The following USP20 variants were observed in gnomAD, a reference collection of about 807,000 sequenced individuals.
USP20 encodes ubiquitin specific peptidase 20, also known as ubiquitin carboxyl-terminal hydrolase 20.
In USP20, 80 loss-of-function variants were observed where a neutral mutation model predicts 124.2. That is an observed-to-expected ratio of 0.64 (90% CI 0.54 to 0.78). The LOEUF (loss-of-function observed/expected upper bound fraction) is 0.78, where lower values mean the gene tolerates loss of function less well. Among genes scored for constraint, USP20 ranks in the 30% least tolerant of loss-of-function variants. USP20 has a pLI of 0.00. For synonymous variants in USP20, 481 were observed against 512.3 expected (o/e 0.94, Z 0.83); for missense variants, 1,043 against 1,244.4 (o/e 0.84, Z 2.44).
chr9:129,865,446 C>A, intron 10 of USP20, 65 bp downstream of exon 10: 1 of 1,550,592 alleles, frequency 6.4e-7, no homozygotes, highest in Non-Finnish European at 8.9e-7. Context: ...ACTTTGACGC[C>A]AAAACCAGAG....
chr9:129,879,466 C>A lies in USP20; in HGVS notation c.2513-107C>A. The A allele has an allele frequency of 8.7e-7, 1 of 1,144,500 alleles. No homozygotes were observed. Among genetic ancestry groups the A allele is most frequent in the Non-Finnish European group, 1.3e-6 (1 of 774,208 alleles). 70.9% of individuals were successfully genotyped at this position (1,144,500 alleles called of 1,614,324 possible). On this transcript the variant is annotated intron_variant, in intron 23 of 25. Transcript: ENST00000372429. The surrounding 1 kb of genome is among the most constrained non-coding windows in gnomAD (Gnocchi z 4.2). ...CAGGCGCCTCATCCATTAGAGACTT[C>A]ACGCTGACCCCCAGGCCTGGGGCGG...
chr9:129,871,310 C>T (rs2034115011), intron 15 of USP20, among the ~76,000 whole-genome samples: 2 of 137,294 alleles, frequency 1.5e-5, no homozygotes, highest in African/African-American at 5.4e-5. Flanking sequence ...AGCATAACGT[C>T]CTTAGGGTTC....
At chr9:129,869,938 G>C in intron 14 of USP20, 94 bp downstream of exon 14, 1 of 1,483,818 alleles carries the variant, frequency 6.7e-7, no homozygotes, top group Non-Finnish European at 9.2e-7. Context: ...CATGCATTTG[G>C]GGAACCAGGG....
At chr9:129,873,179 G>T (rs976501420) in intron 15 of USP20, among the ~76,000 whole-genome samples, 1 of 128,006 alleles carries the variant, frequency 7.8e-6, no homozygotes, top group South Asian at 2.7e-4. Context: ...AGCCCCCCAG[G>T]TTCGAGCGAT....
At chr9:129,878,302 G>C in intron 22 of USP20, 36 bp from the exon 23 acceptor site, 1 of 1,504,470 alleles carries the variant, frequency 6.6e-7, no homozygotes, top group East Asian at 2.4e-5. Flanking sequence ...AGACTGACCT[G>C]CCCTCTGTCT....
intron 1 of USP20, among the ~76,000 whole-genome samples, chr9:129,837,114 G>A (rs558564925): frequency 1.3e-5 from 2 of 152,314 alleles, no homozygotes; most frequent in South Asian, 4.1e-4. Context: ...AGATCTAATT[G>A]AGTGCTCTTT....
intron 12 of USP20, 115 bp downstream of exon 12, chr9:129,869,117 G>A (rs2033984635): frequency 4.4e-5 from 64 of 1,452,346 alleles, no homozygotes; most frequent in Non-Finnish European, 5.8e-5. Context: ...CTCCTCTCAG[G>A]TACACCCCTG....
At chr9:129,857,682 A>G (rs1019712433) in intron 4 of USP20, among the ~76,000 whole-genome samples, 3 of 152,134 alleles carry the variant, frequency 2.0e-5, no homozygotes, top group Non-Finnish European at 2.9e-5. Context: ...ATCCCCACCA[A>G]AAACACAGGT....
rs753881618 is a variant in USP20 at position 129,879,581 on chromosome 9, G to C, written c.2521G>C (p.Gly841Arg). 1 of 1,613,488 alleles carries C rather than the reference G, an allele frequency of 6.2e-7. No individual in the cohort carries two copies. Among genetic ancestry groups the C allele is most frequent in the Non-Finnish European group, 8.5e-7 (1 of 1,179,942 alleles). ...CGCTGTGTCTGTTGCAGAGCCCCCC[G>C]GGCCCATTGACAACAGCAGGATTGC... is the stretch of plus-strand genomic sequence containing the variant. ...FVKGKDNEPP[G>R]PIDNSRIAQV... Residue 841 changes from glycine to arginine, a missense_variant, in exon 24 of 26, where the codon GGG (glycine) becomes CGG (arginine). Gly to Arg is a moderately radical substitution (Grantham distance 125). Transcript: ENST00000372429. The surrounding 1 kb of genome is among the most constrained non-coding windows in gnomAD (Gnocchi z 4.2).
chr9:129,852,329 TC>T (rs1432672004), intron 2 of USP20, among the ~76,000 whole-genome samples: 2 of 152,178 alleles, frequency 1.3e-5, no homozygotes, highest in Non-Finnish European at 2.9e-5. Flanking sequence ...AGACATTGTC[TC>T]CGTGACCTAG....
At chr9:129,870,799 G>A (rs1019331602) in intron 15 of USP20, among the ~76,000 whole-genome samples, 2 of 152,282 alleles carry the variant, frequency 1.3e-5, no homozygotes, top group Middle Eastern at 6.8e-3. Flanking sequence ...CCAATTTGGT[G>A]GGCAAAAATG....
At chr9:129,845,822 TC>T (rs1485050490) in intron 1 of USP20, among the ~76,000 whole-genome samples, 3 of 152,252 alleles carry the variant, frequency 2.0e-5, no homozygotes, top group African/African-American at 7.2e-5. Flanking sequence ...ATCACTTGAC[TC>T]TATCCTCCAG....
Position 129,839,828 on chromosome 9 carries a change from C to T in USP20, c.-129+4329C>T, listed in dbSNP as rs1450196419. Among the ~76,000 whole-genome samples, 2 of 152,156 alleles carry T rather than the reference C, an allele frequency of 1.3e-5. No individual in the cohort carries two copies. Among genetic ancestry groups the T allele is most frequent in the Non-Finnish European group, 2.9e-5 (2 of 68,004 alleles). ...GAGGCAGCCAGGTCCAGATGTGCTGCCTACCTAGGACCACAGGCTGTGCTG... is the reference window on the plus strand; with the variant it reads ...GAGGCAGCCAGGTCCAGATGTGCTGTCTACCTAGGACCACAGGCTGTGCTG... On this transcript the variant is annotated intron_variant, in intron 1 of 25. Coordinates refer to ENST00000372429, the MANE Select transcript of USP20 (RefSeq NM_001110303.4). This position sits in a 1 kb window ranked among gnomAD's most constrained non-coding sequence, Gnocchi z 4.5.
Position 129,844,894 on chromosome 9 carries a change from T to C in USP20, c.-128-4919T>C, listed in dbSNP as rs1301499793. Among the ~76,000 whole-genome samples the C allele has an allele frequency of 2.6e-5, 4 of 151,818 alleles. No homozygotes were observed. The East Asian group carries it at 7.8e-4, about 30-fold the overall frequency. Reference sequence around the variant, plus strand: ...GAGGTAAATGAGGCAAAAATGAATATTGAGAGGGCCGGTCATGGTGGCTCA... The same window carrying C: ...GAGGTAAATGAGGCAAAAATGAATACTGAGAGGGCCGGTCATGGTGGCTCA... On this transcript the variant is annotated intron_variant, in intron 1 of 25. Transcript: ENST00000372429.
At chr9:129,843,849 AAC>A (rs2032378702) in intron 1 of USP20, among the ~76,000 whole-genome samples, 4 of 152,322 alleles carry the variant, frequency 2.6e-5, no homozygotes. Flanking sequence ...AGATTGCTTG[AAC>A]CCAGGAGTTC....
chr9:129,855,344 T>A (rs1017717759), intron 3 of USP20, among the ~76,000 whole-genome samples: 1 of 150,102 alleles, frequency 6.7e-6, no homozygotes, highest in Non-Finnish European at 1.5e-5. Context: ...GGCAGGAGAA[T>A]GGCGTGAACC....
Position 129,879,385 on chromosome 9 carries a change from C to T in USP20, c.2513-188C>T. The stretch of plus-strand genomic sequence containing the variant: ...CAGAGTCTGAGACCATCTCGTGTGT[C>T]CTGGAAATTCCCTCTGCTGGGTCCT... On this transcript the variant is annotated intron_variant, in intron 23 of 25. Coordinates refer to ENST00000372429, the MANE Select transcript of USP20 (RefSeq NM_001110303.4). This position sits in a 1 kb window ranked among gnomAD's most constrained non-coding sequence, Gnocchi z 4.2. The T allele has an allele frequency of 1.7e-6, 1 of 603,048 alleles. No homozygotes were observed. Among genetic ancestry groups the T allele is most frequent in the Non-Finnish European group, 3.0e-6 (1 of 338,528 alleles). The allele number at this position is 603,048 out of a possible 1,614,324, so 37.4% of individuals were successfully genotyped here.
chr9:129,865,128 C>A (rs1339525147), intron 9 of USP20, among the ~76,000 whole-genome samples, 175 bp from the exon 10 acceptor site: 3 of 152,184 alleles, frequency 2.0e-5, no homozygotes, highest in Non-Finnish European at 4.4e-5. Flanking sequence ...TTGACATTTT[C>A]TTCTTGTCTG....
chr9:129,855,934 T>C (rs955156076), intron 3 of USP20, among the ~76,000 whole-genome samples: 1 of 152,120 alleles, frequency 6.6e-6, no homozygotes, highest in Non-Finnish European at 1.5e-5. Flanking sequence ...CCTTGTCTAA[T>C]GGGGAGAAAG....
Sources: gnomAD v4.1 joint callset for allele counts (sites outside exome capture counted in the v4.1 genomes callset) on GRCh38, gnomAD v4.1.1 for gene constraint, Gnocchi (gnomAD v3.1) non-coding constraint, MANE v1.5 for transcripts, NCBI Gene and HGNC (gene_info 2026-07-23, HGNC 2026-07-21) for gene names.